Variants in CACNA1C observed in about 807,000 individuals in gnomAD.
The protein encoded by CACNA1C is voltage-dependent L-type calcium channel subunit alpha-1C.
CACNA1C carries 30 observed loss-of-function variants against 229.0 expected under a neutral mutation model. The ratio of observed to expected loss-of-function variants is 0.13; its 90% CI spans 0.10 to 0.18. CACNA1C has a LOEUF of 0.18. Ranked by LOEUF, CACNA1C falls within the 10% of genes least tolerant of loss-of-function variation. The probability of loss-of-function intolerance (pLI) is 1.00; values close to 1 mark genes in which losing one functional copy is unlikely to be tolerated. For missense variants in CACNA1C, 1,658 were observed against 2,845.0 expected, an observed-to-expected ratio of 0.58 and a Z score of 9.49; for synonymous variants, 1,114 against 1,132.5, an observed-to-expected ratio of 0.98 and a Z score of 0.33.
chr12:2,677,095 T>A lies in CACNA1C; in HGVS notation c.4830T>A (p.Asp1610Glu). ...CTCTCCCCTCTCCATACGTCTCAGA[T>A]GATGAGGTCACCGTTGGCAAGTTCT... ...LLDQVVPPAGDDEVTVGKFYA... is the reference protein window; with the variant it reads ...LLDQVVPPAGEDEVTVGKFYA... The change falls in exon 40 of 47, where the codon GAT becomes GAA. Residue 1610 changes from aspartate (D) to glutamate (E), a missense_variant and splice_region_variant. This residue lies in a region of CACNA1C where 151 missense variants were observed against 344.4 expected (regional missense o/e 0.44). Coordinates refer to ENST00000399655, the MANE Select transcript of CACNA1C (RefSeq NM_000719.7). This position sits in a 1 kb window ranked among gnomAD's most constrained non-coding sequence, Gnocchi z 7.4. The A allele has an allele frequency of 6.2e-7, 1 of 1,612,792 alleles. No individual in the cohort carries two copies. Among genetic ancestry groups the A allele is most frequent in the Non-Finnish European group, 8.5e-7 (1 of 1,179,388 alleles).
At chr12:2,163,872 C>T (rs572712051) in intron 3 of CACNA1C, among the ~76,000 whole-genome samples, 36 of 152,354 alleles carry the variant, frequency 2.4e-4, no homozygotes, top group Non-Finnish European at 4.3e-4. Context: ...GCATCCGAGG[C>T]TGGCTTCTCG....
chr12:2,618,182 G>A (rs765247499), intron 29 of CACNA1C, among the ~76,000 whole-genome samples: 1 of 152,214 alleles, frequency 6.6e-6, no homozygotes, highest in Non-Finnish European at 1.5e-5. Context: ...TCCCCTGGCA[G>A]GTGGAGAAGT....
rs1364311696 is a variant in CACNA1C at position 2,215,869 on chromosome 12, C to T, written c.477+95439C>T. ...GGCGAATCTGTGTCCTAGAACACGC[C>T]CTGCTGCCACCAGTGTGACATCAGC... On this transcript the variant is annotated intron_variant, in intron 3 of 46. Coordinates refer to ENST00000399655, the MANE Select transcript of CACNA1C (RefSeq NM_000719.7). This position sits in a 1 kb window ranked among gnomAD's most constrained non-coding sequence, Gnocchi z 5.0. Among the ~76,000 whole-genome samples, 1 of 152,182 alleles carries T rather than the reference C, an allele frequency of 6.6e-6. No homozygotes were observed. The highest frequency in any genetic ancestry group is 2.4e-5 in the African/African-American group (1 of 41,438).
chr12:2,048,301 C>G (rs929733665), upstream of CACNA1C: 1 of 152,140 alleles, frequency 6.6e-6, no homozygotes, highest in Non-Finnish European at 1.5e-5. Context: ...TTGTGCGTGG[C>G]CCTATGTGGA....
At chr12:2,439,170 G>A (rs2099190006) in intron 3 of CACNA1C, among the ~76,000 whole-genome samples, 1 of 152,202 alleles carries the variant, frequency 6.6e-6, no homozygotes, top group African/African-American at 2.4e-5. Flanking sequence ...ACAGCCCTGG[G>A]ATAGAGGAGG....
At chr12:2,033,097 G>A (rs1465171502) in intron 1 of CACNA1C, among the ~76,000 whole-genome samples, 1 of 152,204 alleles carries the variant, frequency 6.6e-6, no homozygotes, top group Non-Finnish European at 1.5e-5. Flanking sequence ...CAGTGATGTA[G>A]CTAACCCACC....
Position 2,688,582 on chromosome 12 carries a change from C to T in CACNA1C, c.5920C>T (p.Leu1974Phe), listed in dbSNP as rs767660098. The T allele has an allele frequency of 3.1e-6, 5 of 1,613,870 alleles. No homozygotes were observed. In the African/African-American group the frequency reaches 6.7e-5, roughly 22 times the overall value. Residue 1974 changes from leucine to phenylalanine, a missense_variant, in exon 46 of 47, where the codon CTT becomes TTT. Physicochemically the swap from Leu to Phe is conservative, Grantham distance 22 (BLOSUM62 0). Around this residue, in one of 20 missense-constraint regions of CACNA1C, gnomAD observed 590 missense variants for 700.8 expected, o/e 0.84. Transcript: ENST00000399655. ...CCCACAGCCCGTCCCCACCCTGCGG[C>T]TTGAGGGGGTCGAGTCCAGTGAGAA... ...WPPQPVPTLR[L>F]EGVESSEKLN...
intron 5 of CACNA1C, among the ~76,000 whole-genome samples, chr12:2,462,407 G>A (rs1055998841): frequency 2.0e-5 from 3 of 151,134 alleles, no homozygotes; most frequent in African/African-American, 2.5e-5. Context: ...CTCACTCCCC[G>A]TTCATCCACC....
At chr12:2,418,791 G>A (rs1003586763) in intron 3 of CACNA1C, among the ~76,000 whole-genome samples, 5 of 152,224 alleles carry the variant, frequency 3.3e-5, no homozygotes, top group South Asian at 2.1e-4. Context: ...AACCTGACAC[G>A]AGCCAGGTTT....
intron 3 of CACNA1C, chr12:2,288,562 T>G (rs1317354816): frequency 1.3e-5 from 2 of 152,246 alleles, no homozygotes; most frequent in African/African-American, 2.4e-5. Flanking sequence ...TCTTGAGGAG[T>G]GGCCCTTTCC....
rs867164 is a variant in CACNA1C at position 2,628,629 on chromosome 12, G to A, written c.3829-5668G>A. Among the ~76,000 whole-genome samples the A allele has an allele frequency of 1.2e-4, 19 of 152,246 alleles. No individual in the cohort carries two copies. The East Asian group carries it at 3.3e-3, about 26-fold the overall frequency. On this transcript the variant is annotated intron_variant, in intron 29 of 46. Coordinates refer to ENST00000399655, the MANE Select transcript of CACNA1C (RefSeq NM_000719.7). The stretch of plus-strand genomic sequence containing the variant: ...TGGTAAATAATGACAGTGGCTGACC[G>A]GGCGCAGTGGCTCACACCTGTAATC...
chr12:2,686,101 TA>T (rs2097462482), intron 44 of CACNA1C, 64 bp from the exon 45 acceptor site: 1 of 1,300,752 alleles, frequency 7.7e-7, no homozygotes, highest in Non-Finnish European at 1.1e-6. Context: ...CACCAGGGTG[TA>T]AACTGTCACA....
chr12:2,527,477 C>T (rs1329013508), intron 9 of CACNA1C, among the ~76,000 whole-genome samples: 1 of 152,150 alleles, frequency 6.6e-6, no homozygotes, highest in Admixed American at 6.5e-5. Flanking sequence ...GCCTGTCCAA[C>T]CATTGTATCT....
chr12:2,521,578 T>C (rs564181223), intron 9 of CACNA1C, among the ~76,000 whole-genome samples: 1 of 152,274 alleles, frequency 6.6e-6, no homozygotes, highest in South Asian at 2.1e-4. Context: ...AGCCCACTTC[T>C]CTCTCCAGAG....
At chr12:2,198,069 TG>T (rs1387395230) in intron 3 of CACNA1C, among the ~76,000 whole-genome samples, 1 of 152,210 alleles carries the variant, frequency 6.6e-6, no homozygotes, top group Non-Finnish European at 1.5e-5. Context: ...GCAGCTTGCC[TG>T]GCCCAGAGGG....
intron 3 of CACNA1C, among the ~76,000 whole-genome samples, chr12:2,203,016 G>C (rs371028008): frequency 6.6e-6 from 1 of 152,112 alleles, no homozygotes; most frequent in Admixed American, 6.5e-5. Flanking sequence ...CTTTTTTTCT[G>C]TGTGAATGGA....
chr12:2,314,809 A>G (rs1284366326), intron 3 of CACNA1C, among the ~76,000 whole-genome samples: 3 of 152,138 alleles, frequency 2.0e-5, no homozygotes, highest in Non-Finnish European at 2.9e-5. Context: ...GAACATATGC[A>G]TGTACTTTAA....
At chr12:2,423,628 G>A (rs1349767917) in intron 3 of CACNA1C, among the ~76,000 whole-genome samples, 2 of 152,108 alleles carry the variant, frequency 1.3e-5, no homozygotes, top group Non-Finnish European at 2.9e-5. Context: ...AGTGGTAGTA[G>A]TATAGTAGTT....
chr12:2,259,539 G>A (rs1253464768), intron 3 of CACNA1C, among the ~76,000 whole-genome samples: 1 of 152,206 alleles, frequency 6.6e-6, no homozygotes, highest in Non-Finnish European at 1.5e-5. Context: ...GGAGCTAAGA[G>A]CAGGGCAGAA....
Sources: allele counts gnomAD v4.1 joint callset (sites outside exome capture counted in the v4.1 genomes callset), GRCh38; gene constraint gnomAD v4.1.1; regional missense constraint gnomAD v4.1.1; non-coding constraint Gnocchi (gnomAD v3.1); transcripts MANE v1.5; gene names NCBI Gene and HGNC (gene_info 2026-07-23, HGNC 2026-07-21).